XYLT1: variants seen among roughly 807,000 people sequenced by gnomAD.
The protein encoded by XYLT1 is xylosyltransferase 1.
Under a neutral mutation model 91.3 loss-of-function variants are expected in XYLT1, and 36 were observed. The ratio of observed to expected loss-of-function variants is 0.39; its 90% CI spans 0.30 to 0.52. The LOEUF (loss-of-function observed/expected upper bound fraction) is 0.52. Ranked by LOEUF, XYLT1 falls within the 20% of genes least tolerant of loss-of-function variation. The pLI, the probability that XYLT1 is intolerant of heterozygous loss-of-function variation, is 0.68. For missense variants in XYLT1, 1,242 were observed against 1,284.5 expected, an observed-to-expected ratio of 0.97 and a Z score of 0.51; for synonymous variants, 588 against 532.0, an observed-to-expected ratio of 1.11 and a Z score of -1.45.
chr16:17,119,298 T>C (rs1056552807), intron 10 of XYLT1, among the ~76,000 whole-genome samples: 6 of 152,184 alleles, frequency 3.9e-5, no homozygotes, highest in African/African-American at 1.4e-4. Flanking sequence ...CAAATCAAAT[T>C]AAATTAGGGG....
At chr16:17,304,524 G>A (rs1262270495) in intron 2 of XYLT1, among the ~76,000 whole-genome samples, 1 of 152,190 alleles carries the variant, frequency 6.6e-6, no homozygotes, top group Non-Finnish European at 1.5e-5. Context: ...ATTGTAACAT[G>A]TTTTATTTCA....
intron 3 of XYLT1, among the ~76,000 whole-genome samples, chr16:17,210,189 A>G (rs1414519434): frequency 1.3e-5 from 2 of 152,198 alleles, no homozygotes; most frequent in Non-Finnish European, 2.9e-5. Flanking sequence ...TCCCATGTCC[A>G]TCTAATTTTT....
At chr16:17,412,683 T>C (rs888002378) in intron 1 of XYLT1, among the ~76,000 whole-genome samples, 2 of 152,128 alleles carry the variant, frequency 1.3e-5, no homozygotes, top group African/African-American at 4.8e-5. Flanking sequence ...CAGTTTCTTA[T>C]ACTAGGTCTC....
chr16:17,370,240 C>G (rs1259383681), intron 1 of XYLT1, among the ~76,000 whole-genome samples: 1 of 152,200 alleles, frequency 6.6e-6, no homozygotes, highest in Admixed American at 6.5e-5. Flanking sequence ...CAAGGTCAGG[C>G]AAGAGCCTGA....
At position 17,125,292 on chromosome 16, in the gene XYLT1, G is replaced by C. The variant is rs2030219215; in HGVS notation, c.2223+2374C>G. 1.3e-5 allele frequency among the ~76,000 whole-genome samples: 2 copies of C among 152,074 alleles called. 1 individual carries two copies. The highest frequency in any genetic ancestry group is 4.8e-5 in the African/African-American group (2 of 41,392). ...CTTGGAGCAAAAGTTCATGATGTGGGGCTCCATACACTGCTCTGTCCATCC... is the reference window on the plus strand; with the variant it reads ...CTTGGAGCAAAAGTTCATGATGTGGCGCTCCATACACTGCTCTGTCCATCC... On this transcript the variant is annotated intron_variant, in intron 10 of 11. Coordinates refer to ENST00000261381, the MANE Select transcript of XYLT1 (RefSeq NM_022166.4).
At chr16:17,411,200 A>C (rs2036102903) in intron 1 of XYLT1, among the ~76,000 whole-genome samples, 1 of 152,224 alleles carries the variant, frequency 6.6e-6, no homozygotes, top group Admixed American at 6.5e-5. Flanking sequence ...AAGTCAATTT[A>C]AACCAAGGAC....
intron 1 of XYLT1, among the ~76,000 whole-genome samples, chr16:17,413,579 A>G (rs900990548): frequency 6.6e-6 from 1 of 151,968 alleles, no homozygotes; most frequent in African/African-American, 2.4e-5. Context: ...CTGGGACTAC[A>G]GGTGCTCACC....
At chr16:17,229,268 C>T (rs2033120844) in intron 3 of XYLT1, among the ~76,000 whole-genome samples, 1 of 152,178 alleles carries the variant, frequency 6.6e-6, no homozygotes. Flanking sequence ...TGAACTGTAG[C>T]CCGGGCCAGT....
rs577710099 is a variant in XYLT1 at position 17,319,893 on chromosome 16, C to T, written c.402+38119G>A. On this transcript the variant is annotated intron_variant, in intron 2 of 11. Transcript: ENST00000261381. The stretch of plus-strand genomic sequence containing the variant: ...GCCCCTTCGTACCTCTCCACCTTCT[C>T]CCATCCCCTTTTCTCAGCTCCCCTC... 2.0e-4 allele frequency among the ~76,000 whole-genome samples: 30 copies of T among 152,300 alleles called. No individual in the cohort carries two copies. The South Asian group carries it at 6.2e-3, about 32-fold the overall frequency.
chr16:17,423,067 C>T (rs900192693), intron 1 of XYLT1, among the ~76,000 whole-genome samples: 1 of 152,208 alleles, frequency 6.6e-6, no homozygotes, highest in Admixed American at 6.5e-5. Context: ...ATAACGATGA[C>T]TTAAGAATTT....
intron 3 of XYLT1, among the ~76,000 whole-genome samples, chr16:17,233,053 CT>C (rs1481143538): frequency 6.6e-6 from 1 of 152,136 alleles, no homozygotes; most frequent in Non-Finnish European, 1.5e-5. Context: ...GGCACCTTCC[CT>C]TCACCTGCCA....
At chr16:17,195,441 T>TTTTG (rs758564492) in intron 5 of XYLT1, among the ~76,000 whole-genome samples, 2 of 152,048 alleles carry the variant, frequency 1.3e-5, no homozygotes, top group Non-Finnish European at 2.9e-5. Flanking sequence ...TTTTGTTGTT[T>TTTTG]TTTGTTTGTT....
At position 17,379,759 on chromosome 16, in the gene XYLT1, TCTCTCACA is replaced by T. The variant is rs1301267990; in HGVS notation, c.364-21717_364-21710del. On this transcript the variant is annotated intron_variant, in intron 1 of 11. Coordinates refer to ENST00000261381, the MANE Select transcript of XYLT1 (RefSeq NM_022166.4). Reference sequence around the variant, plus strand: ...CTCTCTCTCTCTCTCTCTCTCTCTCTCTCTCACACACACACACACACACACACACACAC... The same window carrying T: ...CTCTCTCTCTCTCTCTCTCTCTCTCTCACACACACACACACACACACACAC... 7.6e-5 allele frequency among the ~76,000 whole-genome samples: 9 copies of T among 117,984 alleles called. No homozygotes were observed. In the South Asian group the frequency reaches 2.1e-3, roughly 28 times the overall value. The allele number at this position is 117,984 out of a possible 152,430, so 77.4% of individuals were successfully genotyped here.
intron 1 of XYLT1, among the ~76,000 whole-genome samples, chr16:17,427,352 G>A (rs2036331980): frequency 6.6e-6 from 1 of 152,238 alleles, no homozygotes; most frequent in African/African-American, 2.4e-5. Flanking sequence ...AGGCTGGTGT[G>A]CAGTGGTGCG....
intron 1 of XYLT1, among the ~76,000 whole-genome samples, chr16:17,404,169 G>C (rs933138570): frequency 5.9e-5 from 9 of 152,222 alleles, no homozygotes; most frequent in Admixed American, 5.9e-4. Context: ...GCCCAGGAAG[G>C]GTCGGATACT....
chr16:17,377,875 C>T (rs2035623280), intron 1 of XYLT1, among the ~76,000 whole-genome samples: 2 of 152,180 alleles, frequency 1.3e-5, no homozygotes, highest in African/African-American at 2.4e-5. Flanking sequence ...TCTTTACCTC[C>T]CCTGAGTTTC....
chr16:17,244,169 G>C (rs566918903), intron 3 of XYLT1, among the ~76,000 whole-genome samples: 5 of 152,106 alleles, frequency 3.3e-5, no homozygotes, highest in African/African-American at 4.8e-5. Flanking sequence ...CCAGGTCCGG[G>C]CTTCTCAAAG....
chr16:17,112,675 G>A (rs899373308), intron 11 of XYLT1, among the ~76,000 whole-genome samples: 2 of 152,148 alleles, frequency 1.3e-5, no homozygotes, highest in African/African-American at 4.8e-5. Flanking sequence ...CTAAGGGGGT[G>A]GGATTGGGCC....
In XYLT1 at chr16:17,461,701, G is replaced by A. The variant is rs540591533; in HGVS notation, c.363+8733C>T. ...ACAAATGCATGCATAAATAGATGGA[G>A]GCAGGGGGAGAATGAGGGGCTAGAG... On this transcript the variant is annotated intron_variant, in intron 1 of 11. Transcript: ENST00000261381. Among the ~76,000 whole-genome samples, 13 of 152,202 alleles carry A rather than the reference G, an allele frequency of 8.5e-5. 1 individual carries two copies. The South Asian group carries it at 2.5e-3, about 29-fold the overall frequency.
Sources: allele counts gnomAD v4.1 joint callset (sites outside exome capture counted in the v4.1 genomes callset), GRCh38; gene constraint gnomAD v4.1.1; transcripts MANE v1.5; gene names NCBI Gene and HGNC (gene_info 2026-07-23, HGNC 2026-07-21).